Variants in B3GAT2 observed in about 807,000 individuals in gnomAD.
B3GAT2 encodes the protein galactosylgalactosylxylosylprotein 3-beta-glucuronosyltransferase 2.
Under a neutral mutation model 27.8 loss-of-function variants are expected in B3GAT2, and 26 were observed. That is an observed-to-expected ratio of 0.93 (90% CI 0.68 to 1.30). B3GAT2 has a LOEUF of 1.30. B3GAT2 is among the 50% of genes most tolerant of loss of function. The probability of loss-of-function intolerance (pLI) is 0.00; values close to 1 mark genes in which losing one functional copy is unlikely to be tolerated. For synonymous variants in B3GAT2, 218 were observed against 195.1 expected (o/e 1.12, Z -0.98); for missense variants, 458 against 459.0 (o/e 1.00, Z 0.02).
chr6:70,880,031 T>G (rs1302829020), intron 2 of B3GAT2, among the ~76,000 whole-genome samples: 1 of 127,650 alleles, frequency 7.8e-6, no homozygotes, highest in East Asian at 2.3e-4. Flanking sequence ...AATGAAGCTG[T>G]GGAGCTAGTT....
intron 1 of B3GAT2, among the ~76,000 whole-genome samples, chr6:70,916,068 TATTTC>T (rs938471819): frequency 6.7e-6 from 1 of 149,412 alleles, no homozygotes; most frequent in Non-Finnish European, 1.5e-5. Context: ...TATCCTCTTT[TATTTC>T]ATTGAGCAGT....
chr6:70,880,099 T>A (rs951246617), intron 2 of B3GAT2, among the ~76,000 whole-genome samples: 1 of 118,712 alleles, frequency 8.4e-6, no homozygotes, highest in Non-Finnish European at 1.8e-5. Context: ...GGGGTGGGGG[T>A]GGAGGTGGCA....
intron 1 of B3GAT2, among the ~76,000 whole-genome samples, chr6:70,923,245 T>A (rs1041340572): frequency 8.5e-5 from 13 of 152,168 alleles, no homozygotes; most frequent in East Asian, 3.8e-4. Flanking sequence ...TATCTTTCTA[T>A]GAAAAACTGC....
intron 1 of B3GAT2, among the ~76,000 whole-genome samples, chr6:70,935,531 G>A (rs768503242): frequency 9.2e-5 from 14 of 152,036 alleles, no homozygotes; most frequent in Middle Eastern, 3.4e-3. Flanking sequence ...AATGAATGGT[G>A]GTGGGTATCA....
chr6:70,929,218 G>A (rs1773018389), intron 1 of B3GAT2, among the ~76,000 whole-genome samples: 1 of 152,070 alleles, frequency 6.6e-6, no homozygotes, highest in Admixed American at 6.6e-5. Context: ...AGAGGGGGGA[G>A]GGATAGCATT....
At chr6:70,952,132 C>T (rs990041421) in intron 1 of B3GAT2, among the ~76,000 whole-genome samples, 2 of 152,086 alleles carry the variant, frequency 1.3e-5, no homozygotes, top group Admixed American at 1.3e-4. Flanking sequence ...CCTCAAAACT[C>T]CTTTATCTGC....
At chr6:70,936,236 C>T (rs1053344013) in intron 1 of B3GAT2, among the ~76,000 whole-genome samples, 4 of 152,050 alleles carry the variant, frequency 2.6e-5, no homozygotes, top group African/African-American at 9.7e-5. Context: ...AATACAGGAG[C>T]ACCCAGATTC....
intron 2 of B3GAT2, among the ~76,000 whole-genome samples, chr6:70,886,147 C>T (rs1772181588): frequency 6.6e-6 from 1 of 152,178 alleles, no homozygotes; most frequent in Non-Finnish European, 1.5e-5. Flanking sequence ...AACTGTTCTG[C>T]AGGCTCAGAG....
At chr6:70,943,129 G>A (rs1251080102) in intron 1 of B3GAT2, among the ~76,000 whole-genome samples, 1 of 152,180 alleles carries the variant, frequency 6.6e-6, no homozygotes, top group Non-Finnish European at 1.5e-5. Context: ...GAACATGGCT[G>A]TCCTCCTCAG....
chr6:70,956,134 G>C lies in B3GAT2; in HGVS notation c.296C>G (p.Thr99Ser). 1 of 1,605,378 alleles carries C rather than the reference G, an allele frequency of 6.2e-7. No individual in the cohort carries two copies. Among genetic ancestry groups the C allele is most frequent in the Non-Finnish European group, 8.5e-7 (1 of 1,175,988 alleles). Residue 99 changes from threonine (T) to serine (S), a missense_variant, in exon 1 of 4, where the codon ACC becomes AGC. Thr to Ser is a moderately conservative substitution (Grantham distance 58). Coordinates refer to ENST00000230053, the MANE Select transcript of B3GAT2 (RefSeq NM_080742.3). Reference protein sequence around the residue: ...YSRPVQKAELTRLANTFRQVA... With the variant: ...YSRPVQKAELSRLANTFRQVA... ...CTGGCGGAACGTGTTGGCCAGGCGG[G>C]TCAGCTCCGCTTTCTGCACCGGGCG...
At chr6:70,950,258 C>G (rs1045731580) in intron 1 of B3GAT2, among the ~76,000 whole-genome samples, 17 of 144,268 alleles carry the variant, frequency 1.2e-4, no homozygotes, top group Admixed American at 6.9e-4. Flanking sequence ...ACCCACAGAA[C>G]AAAGAAAGCT....
rs972962709 is a variant in B3GAT2, at chr6:70,861,348, G to A, written c.*315C>T. On this transcript the variant is annotated 3_prime_UTR_variant, in exon 4 of 4. Coordinates refer to ENST00000230053, the MANE Select transcript of B3GAT2 (RefSeq NM_080742.3). ...AGTCTACCAATTATAAGGGCAAATT[G>A]GAGAAAAAGAAAAAATATATACTCA... The A allele has an allele frequency of 2.1e-4, 50 of 241,930 alleles. No homozygotes were observed. The highest frequency in any genetic ancestry group is 1.1e-3 in the African/African-American group (49 of 45,364). 15.0% of individuals were successfully genotyped at this position (241,930 alleles called of 1,614,324 possible). A position where few individuals can be genotyped will look rare whatever the true frequency, so the allele number is the denominator to read the frequency against.
chr6:70,907,577 C>CA (rs1223155928), intron 1 of B3GAT2, among the ~76,000 whole-genome samples: 2 of 152,206 alleles, frequency 1.3e-5, no homozygotes, highest in Non-Finnish European at 2.9e-5. Context: ...CATGTTTCTG[C>CA]ATCCTTTGCA....
At position 70,893,253 on chromosome 6, in the gene B3GAT2, C is replaced by T. The variant is rs758709307; in HGVS notation, c.736+875G>A. ...CTCCATCCCATCAGAATTCTGAACG[C>T]GGAGATCTTGACTACGGCTGGGAAA... On this transcript the variant is annotated intron_variant, in intron 2 of 3. Coordinates refer to ENST00000230053, the MANE Select transcript of B3GAT2 (RefSeq NM_080742.3). 2.4e-4 allele frequency among the ~76,000 whole-genome samples: 37 copies of T among 152,080 alleles called. 1 individual carries two copies. The highest frequency in any genetic ancestry group is 3.5e-4 in the Non-Finnish European group (24 of 68,018).
At chr6:70,887,351 G>A (rs1017627156) in intron 2 of B3GAT2, among the ~76,000 whole-genome samples, 1 of 152,154 alleles carries the variant, frequency 6.6e-6, no homozygotes, top group Non-Finnish European at 1.5e-5. Flanking sequence ...TCATTCCCAC[G>A]TCCCTGCAGA....
At chr6:70,902,637 TACACACACACACACACACACACACAC>T (rs1211771771) in intron 1 of B3GAT2, among the ~76,000 whole-genome samples, 3 of 133,464 alleles carry the variant, frequency 2.2e-5, no homozygotes, top group East Asian at 2.4e-4. Flanking sequence ...TATATATATA[TACACACACACACACACACACACACAC>T]ACATATATAT....
chr6:70,899,074 CA>C (rs1772444904), intron 1 of B3GAT2, among the ~76,000 whole-genome samples: 2 of 152,062 alleles, frequency 1.3e-5, no homozygotes, highest in African/African-American at 4.8e-5. Flanking sequence ...CTGTGCTGTG[CA>C]AGAGACATGC....
chr6:70,945,020 T>C (rs1765456450), intron 1 of B3GAT2, among the ~76,000 whole-genome samples: 1 of 152,064 alleles, frequency 6.6e-6, no homozygotes, highest in African/African-American at 2.4e-5. Flanking sequence ...GTCCTGTCTG[T>C]TAGAAGGAAA....
chr6:70,858,418 G>C lies in B3GAT2; in HGVS notation c.*3245C>G, dbSNP rs1294888506. ...GTTGTATCAGATAGACAAATGATGTGTTATTATCGCTATTTTAGAGTATTC... is the reference window on the plus strand; with the variant it reads ...GTTGTATCAGATAGACAAATGATGTCTTATTATCGCTATTTTAGAGTATTC... On this transcript the variant is annotated 3_prime_UTR_variant, in exon 4 of 4. Coordinates refer to ENST00000230053, the MANE Select transcript of B3GAT2 (RefSeq NM_080742.3). The C allele has an allele frequency of 1.6e-5, 8 of 507,804 alleles. No homozygotes were observed. Among genetic ancestry groups the C allele is most frequent in the Non-Finnish European group, 2.6e-5 (8 of 305,952 alleles). The allele number at this position is 507,804 out of a possible 1,614,324, so 31.5% of individuals were successfully genotyped here.
Sources: gnomAD v4.1 joint callset for allele counts (sites outside exome capture counted in the v4.1 genomes callset) on GRCh38, gnomAD v4.1.1 for gene constraint, MANE v1.5 for transcripts, NCBI Gene and HGNC (gene_info 2026-07-23, HGNC 2026-07-21) for gene names.